Variants in TBC1D22A observed in about 807,000 individuals in gnomAD.
The protein encoded by TBC1D22A is TBC1 domain family member 22A, also known as putative GTPase activator.
A neutral mutation model predicts 60.2 loss-of-function variants in TBC1D22A; 38 were observed. The observed-to-expected ratio is 0.63, with a 90% confidence interval of 0.49 to 0.83. The LOEUF is 0.83. TBC1D22A is among the 40% of genes least tolerant of loss of function. The pLI, the probability that TBC1D22A is intolerant of heterozygous loss-of-function variation, is 0.00. For synonymous variants in TBC1D22A, 302 were observed against 281.7 expected (o/e 1.07, Z -0.72); for missense variants, 628 against 701.0 (o/e 0.90, Z 1.18).
intron 12 of TBC1D22A, among the ~76,000 whole-genome samples, chr22:47,127,007 G>A (rs116843262): frequency 5.9e-5 from 9 of 152,158 alleles, no homozygotes; most frequent in East Asian, 1.9e-4. Flanking sequence ...CACAATACAC[G>A]CAATATCCAC....
intron 1 of TBC1D22A, chr22:46,789,124 C>G (rs919192118): frequency 7.5e-6 from 1 of 133,140 alleles, no homozygotes; most frequent in African/African-American, 2.9e-5. Flanking sequence ...AATCTTCCTT[C>G]TTTTCTTTTT....
intron 7 of TBC1D22A, among the ~76,000 whole-genome samples, chr22:46,904,138 T>TCTGCCTACCTACCTACCTAC (rs1481229542): frequency 3.4e-4 from 19 of 55,332 alleles, no homozygotes; most frequent in African/African-American, 1.1e-3. Context: ...TATCTATCTA[T>TCTGCCTACCTACCTACCTAC]CTATCTACCT....
At chr22:46,973,266 C>A (rs192302179) in intron 8 of TBC1D22A, among the ~76,000 whole-genome samples, 2 of 152,194 alleles carry the variant, frequency 1.3e-5, no homozygotes, top group Non-Finnish European at 2.9e-5. Context: ...CCCCCCTCCC[C>A]ATGTGTACCA....
chr22:46,822,056 G>A (rs899267947), intron 4 of TBC1D22A, among the ~76,000 whole-genome samples: 3 of 151,674 alleles, frequency 2.0e-5, no homozygotes, highest in South Asian at 2.1e-4. Context: ...TTTGCTTCAC[G>A]AAGATCTCAT....
At chr22:47,024,164 A>AG (rs1311246375) in intron 10 of TBC1D22A, among the ~76,000 whole-genome samples, 4 of 152,218 alleles carry the variant, frequency 2.6e-5, no homozygotes, top group Non-Finnish European at 4.4e-5. Context: ...GTGGTAAGGC[A>AG]GGGACACATA....
At chr22:46,856,269 A>G (rs1247104402) in intron 4 of TBC1D22A, among the ~76,000 whole-genome samples, 1 of 152,200 alleles carries the variant, frequency 6.6e-6, no homozygotes, top group Non-Finnish European at 1.5e-5. Context: ...CATCAGAACG[A>G]TTATGCTTGC....
intron 12 of TBC1D22A, 27 bp downstream of exon 12, chr22:47,111,630 C>A (rs749022927): frequency 1.1e-5 from 18 of 1,593,800 alleles, no homozygotes; most frequent in Non-Finnish European, 1.5e-5. Context: ...TCAAAAGAAC[C>A]CAAGTTTGAT....
chr22:46,970,159 C>G (rs2073989279), intron 8 of TBC1D22A, among the ~76,000 whole-genome samples: 1 of 151,982 alleles, frequency 6.6e-6, no homozygotes, highest in East Asian at 1.9e-4. Flanking sequence ...TCTTCATGAC[C>G]CAGGAAGAAA....
chr22:46,768,738 G>T (rs930705048), intron 1 of TBC1D22A, among the ~76,000 whole-genome samples: 10 of 152,166 alleles, frequency 6.6e-5, no homozygotes, highest in Admixed American at 1.3e-4. Flanking sequence ...GCCTGGCAGG[G>T]TGTGGTCTGC....
chr22:46,811,177 G>A (rs1373523107), intron 4 of TBC1D22A, among the ~76,000 whole-genome samples: 1 of 152,220 alleles, frequency 6.6e-6, no homozygotes, highest in Non-Finnish European at 1.5e-5. Flanking sequence ...TGGTGACTGG[G>A]CCATGTGGAC....
rs1269708687 is a variant in TBC1D22A, at chr22:46,921,094, CTTTTA to C, written c.1015+8912_1015+8916del. Among the ~76,000 whole-genome samples, 12 of 152,220 alleles carry C rather than the reference CTTTTA, an allele frequency of 7.9e-5. No homozygotes were observed. The East Asian group carries it at 1.5e-3, about 20-fold the overall frequency. Reference sequence around the variant, plus strand: ...CTACTATGTTGTTATTATTTTTTAACTTTTATTTTAGGTTCAAGGGTACATGTACA... The same window carrying C: ...CTACTATGTTGTTATTATTTTTTAACTTTTAGGTTCAAGGGTACATGTACA... On this transcript the variant is annotated intron_variant, in intron 8 of 12. Coordinates refer to ENST00000337137, the MANE Select transcript of TBC1D22A (RefSeq NM_014346.5).
At chr22:46,900,344 G>A (rs919042764) in intron 7 of TBC1D22A, among the ~76,000 whole-genome samples, 1 of 152,050 alleles carries the variant, frequency 6.6e-6, no homozygotes. Flanking sequence ...TAGAGATGGG[G>A]TTTCACCATC....
At chr22:46,828,420 C>A (rs905019036) in intron 4 of TBC1D22A, among the ~76,000 whole-genome samples, 22 of 152,262 alleles carry the variant, frequency 1.4e-4, no homozygotes, top group African/African-American at 4.8e-4. Context: ...ACCTGGGCCA[C>A]TGCGAGATGT....
rs746137829 is a variant in TBC1D22A, at chr22:47,037,213, G to T, written c.1329+15G>T. Reference sequence around the variant, plus strand: ...ACACCTACCAGGTGAGCTCTCCTTCGCACCCTCCGCCATGGGGGTGCCAGG... The same window carrying T: ...ACACCTACCAGGTGAGCTCTCCTTCTCACCCTCCGCCATGGGGGTGCCAGG... On this transcript the variant is annotated intron_variant, in intron 11 of 12. Transcript: ENST00000337137. The T allele has an allele frequency of 1.9e-6, 3 of 1,611,596 alleles. No individual in the cohort carries two copies. The highest frequency in any genetic ancestry group is 2.5e-6 in the Non-Finnish European group (3 of 1,179,070).
chr22:46,773,894 G>A, intron 1 of TBC1D22A: 1 of 978,218 alleles, frequency 1.0e-6, no homozygotes, highest in Non-Finnish European at 1.2e-6. Context: ...AAGCCACACA[G>A]CTCATAAGTG....
At chr22:47,121,861 G>T (rs1171860179) in intron 12 of TBC1D22A, among the ~76,000 whole-genome samples, 1 of 152,172 alleles carries the variant, frequency 6.6e-6, no homozygotes, top group Non-Finnish European at 1.5e-5. Flanking sequence ...AGAATGCTGG[G>T]CTCTGGGTTC....
intron 4 of TBC1D22A, among the ~76,000 whole-genome samples, chr22:46,843,740 G>A (rs920117851): frequency 2.6e-5 from 4 of 152,122 alleles, no homozygotes; most frequent in South Asian, 4.1e-4. Flanking sequence ...AAACTGAGAT[G>A]TATGATATCC....
chr22:46,799,788 G>C (rs2084817772), intron 4 of TBC1D22A, among the ~76,000 whole-genome samples: 1 of 152,190 alleles, frequency 6.6e-6, no homozygotes, highest in African/African-American at 2.4e-5. Flanking sequence ...GATAATTTTT[G>C]GCAGGAACAT....
chr22:46,941,418 A>AATATATATATGGAATAT (rs199956302), intron 8 of TBC1D22A, among the ~76,000 whole-genome samples: 2 of 82,842 alleles, frequency 2.4e-5, no homozygotes, highest in African/African-American at 9.0e-5. Flanking sequence ...ATATATACGG[A>AATATATATATGGAATAT]ATATACACGG....
Sources: allele counts gnomAD v4.1 joint callset (sites outside exome capture counted in the v4.1 genomes callset), GRCh38; gene constraint gnomAD v4.1.1; transcripts MANE v1.5; gene names NCBI Gene and HGNC (gene_info 2026-07-23, HGNC 2026-07-21).